Variants in SLAMF6 observed in about 807,000 individuals in gnomAD.
SLAMF6 encodes the protein SLAM family member 6.
SLAMF6 carries 21 observed loss-of-function variants against 38.3 expected under a neutral mutation model. The observed-to-expected ratio is 0.55, with a 90% CI of 0.39 to 0.79. The LOEUF is 0.79. Ranked by LOEUF, SLAMF6 falls within the 30% of genes least tolerant of loss-of-function variation. The pLI, the probability that SLAMF6 is intolerant of heterozygous loss-of-function variation, is 0.00. For synonymous variants in SLAMF6, 152 were observed against 146.3 expected (o/e 1.04, Z -0.28); for missense variants, 341 against 385.3 (o/e 0.89, Z 0.96).
chr1:160,507,201 T>C (rs1327263612), intron 1 of SLAMF6, among the ~76,000 whole-genome samples: 2 of 152,172 alleles, frequency 1.3e-5, no homozygotes, highest in African/African-American at 2.4e-5. Context: ...TGGAAAATGA[T>C]ATTCCATGCA....
chr1:160,506,144 A>G (rs867539219), intron 1 of SLAMF6, among the ~76,000 whole-genome samples: 3 of 152,196 alleles, frequency 2.0e-5, no homozygotes, highest in South Asian at 4.1e-4. Context: ...TATAGAAGAC[A>G]TGAATTTATA....
chr1:160,489,306 G>A (rs900102796), intron 5 of SLAMF6, 136 bp from the exon 6 acceptor site: 54 of 761,618 alleles, frequency 7.1e-5, no homozygotes, highest in East Asian at 1.3e-4. Context: ...GGGATCATTC[G>A]TTCTTGACAG....
intron 7 of SLAMF6, 95 bp from the exon 8 acceptor site, chr1:160,486,849 A>T: frequency 7.1e-7 from 1 of 1,408,894 alleles, no homozygotes; most frequent in Admixed American, 1.8e-5. Context: ...GACTACAGAG[A>T]GGCAGATAAT....
In SLAMF6 at chr1:160,523,137, C is replaced by T; in HGVS notation, c.49+7G>A. ...CAGTGACTACACCGATCTGGATTGA[C>T]ATTTACCTGGGCCAAAGCAGAAGAC... On this transcript the variant is annotated splice_region_variant and intron_variant, in intron 1 of 7. Transcript: ENST00000368057. The T allele has an allele frequency of 6.2e-7, 1 of 1,613,752 alleles. No homozygotes were observed. The highest frequency in any genetic ancestry group is 8.5e-7 in the Non-Finnish European group (1 of 1,179,846).
At chr1:160,521,082 A>G (rs770886878) in intron 1 of SLAMF6, among the ~76,000 whole-genome samples, 1 of 151,810 alleles carries the variant, frequency 6.6e-6, no homozygotes, top group Non-Finnish European at 1.5e-5. Context: ...CTGGCCTCAC[A>G]TTTTCTAATT....
At chr1:160,487,608 C>A (rs1007199277) in intron 6 of SLAMF6, among the ~76,000 whole-genome samples, 1 of 152,182 alleles carries the variant, frequency 6.6e-6, no homozygotes, top group Non-Finnish European at 1.5e-5. Flanking sequence ...ATAATTCTAA[C>A]TGCCTTGTCA....
intron 1 of SLAMF6, among the ~76,000 whole-genome samples, chr1:160,497,521 A>G (rs776171161): frequency 7.2e-5 from 11 of 152,102 alleles, no homozygotes; most frequent in Middle Eastern, 3.2e-3. Flanking sequence ...AAAAATTTCA[A>G]CTTTTATTTT....
chr1:160,521,255 T>A (rs2102074651), intron 1 of SLAMF6, among the ~76,000 whole-genome samples: 1 of 152,290 alleles, frequency 6.6e-6, no homozygotes, highest in Non-Finnish European at 1.5e-5. Context: ...TGTAAACTCA[T>A]TCAAATGTGT....
At chr1:160,505,835 G>T (rs1292876383) in intron 1 of SLAMF6, among the ~76,000 whole-genome samples, 1 of 152,158 alleles carries the variant, frequency 6.6e-6, no homozygotes, top group Non-Finnish European at 1.5e-5. Context: ...GCCAAGTAGA[G>T]ATTCTGGAGC....
intron 1 of SLAMF6, among the ~76,000 whole-genome samples, chr1:160,501,260 C>G (rs1653875842): frequency 6.6e-6 from 1 of 152,134 alleles, no homozygotes; most frequent in Non-Finnish European, 1.5e-5. Flanking sequence ...TCCTCTGGGT[C>G]CATCATCTGA....
intron 4 of SLAMF6, 73 bp from the exon 5 acceptor site, chr1:160,490,309 T>A (rs11265413): frequency 0.2 from 316,803 of 1,605,438 alleles, 32,274 homozygotes; most frequent in Admixed American, 0.28. Flanking sequence ...ACCCCGTGAG[T>A]GTTGGGATGT....
intron 1 of SLAMF6, among the ~76,000 whole-genome samples, chr1:160,518,007 AAAAAT>A (rs1363395875): frequency 6.6e-6 from 1 of 152,104 alleles, no homozygotes; most frequent in East Asian, 1.9e-4. Context: ...ACCCAGAACT[AAAAAT>A]AAAAATTAAA....
At chr1:160,486,866 A>T in intron 7 of SLAMF6, 112 bp from the exon 8 acceptor site, 2 of 1,223,964 alleles carry the variant, frequency 1.6e-6, no homozygotes, top group South Asian at 2.6e-5. Context: ...TAATAGAGAT[A>T]TTGATAGCAT....
chr1:160,520,211 T>C (rs938084196), intron 1 of SLAMF6, among the ~76,000 whole-genome samples: 6 of 152,160 alleles, frequency 3.9e-5, no homozygotes, highest in African/African-American at 7.2e-5. Flanking sequence ...CAGAAGAGCA[T>C]TGCACATTTT....
At chr1:160,519,089 T>TA (rs1654872606) in intron 1 of SLAMF6, among the ~76,000 whole-genome samples, 1 of 152,150 alleles carries the variant, frequency 6.6e-6, no homozygotes, top group South Asian at 2.1e-4. Flanking sequence ...CAAGAATGTA[T>TA]AAACAACTCT....
At chr1:160,491,607 CAGA>C (rs897044358) in intron 2 of SLAMF6, among the ~76,000 whole-genome samples, 2 of 152,166 alleles carry the variant, frequency 1.3e-5, no homozygotes, top group Non-Finnish European at 2.9e-5. Flanking sequence ...GGATAGTCAG[CAGA>C]AGAAGTGGGA....
intron 1 of SLAMF6, among the ~76,000 whole-genome samples, chr1:160,513,167 TA>T (rs1654578066): frequency 1.3e-5 from 2 of 152,094 alleles, no homozygotes; most frequent in Non-Finnish European, 2.9e-5. Flanking sequence ...GAGAGGAACA[TA>T]AATGACTTGA....
rs561088700 is a variant in SLAMF6 at position 160,505,965 on chromosome 1, G to A, written c.50-9572C>T. Among the ~76,000 whole-genome samples the A allele has an allele frequency of 9.9e-4, 150 of 152,072 alleles. 1 individual carries two copies. The highest frequency in any genetic ancestry group is 6.8e-3 in the Middle Eastern group (2 of 294). Reference sequence around the variant, plus strand: ...GGTCAATTGAAATTATCCAGTTTGAGGATCAGAAAAGAAAAGAGTGAAGAA... The same window carrying A: ...GGTCAATTGAAATTATCCAGTTTGAAGATCAGAAAAGAAAAGAGTGAAGAA... On this transcript the variant is annotated intron_variant, in intron 1 of 7. Coordinates refer to ENST00000368057, the MANE Select transcript of SLAMF6 (RefSeq NM_001184714.2).
chr1:160,504,815 T>C (rs528924074), intron 1 of SLAMF6, among the ~76,000 whole-genome samples: 1 of 152,262 alleles, frequency 6.6e-6, no homozygotes, highest in Admixed American at 6.5e-5. Context: ...ATTAAGAAAA[T>C]GTCTGCTTAT....
Sources: allele counts gnomAD v4.1 joint callset (sites outside exome capture counted in the v4.1 genomes callset), GRCh38; gene constraint gnomAD v4.1.1; transcripts MANE v1.5; gene names NCBI Gene and HGNC (gene_info 2026-07-23, HGNC 2026-07-21).